The following IQUB variants were observed in gnomAD, a reference collection of about 807,000 sequenced individuals.
The protein encoded by IQUB is IQ motif and ubiquitin domain containing, also known as IQ motif and ubiquitin-like domain-containing protein.
IQUB carries 86 observed loss-of-function variants against 86.4 expected under a neutral mutation model. The ratio of observed to expected loss-of-function variants is 1.00; its 90% CI spans 0.84 to 1.19. IQUB has a LOEUF of 1.19. IQUB is among the 50% of genes most tolerant of loss of function. The pLI is 0.00. For missense variants in IQUB, 946 were observed against 916.9 expected (o/e 1.03, Z -0.41); for synonymous variants, 289 against 304.5 (o/e 0.95, Z 0.53).
intron 10 of IQUB, among the ~76,000 whole-genome samples, chr7:123,464,303 C>T (rs974008544): frequency 6.6e-6 from 1 of 151,794 alleles, no homozygotes; most frequent in South Asian, 2.1e-4. Context: ...AAATATGTTA[C>T]ATTTGAAGTT....
chr7:123,514,682 T>C (rs985354236), intron 1 of IQUB, among the ~76,000 whole-genome samples: 1 of 152,190 alleles, frequency 6.6e-6, no homozygotes, highest in Non-Finnish European at 1.5e-5. Context: ...TGGGCTTTTA[T>C]TGAGGCCATC....
In IQUB at chr7:123,534,577, T is replaced by C. The variant is rs1332136088; in HGVS notation, c.-90A>G. 1 of 154,380 alleles carries C rather than the reference T, an allele frequency of 6.5e-6. No individual in the cohort carries two copies. Among genetic ancestry groups the C allele is most frequent in the Non-Finnish European group, 1.4e-5 (1 of 69,082 alleles). The allele number at this position is 154,380 out of a possible 1,614,324, so 9.6% of individuals were successfully genotyped here. ...TCCATACTCGCCGCGTTCTCAGCTGTTGGTCGTATCCTAGCAACGGCCCTG... is the reference window on the plus strand; with the variant it reads ...TCCATACTCGCCGCGTTCTCAGCTGCTGGTCGTATCCTAGCAACGGCCCTG... On this transcript the variant is annotated 5_prime_UTR_variant, in exon 1 of 13. Transcript: ENST00000324698.
intron 1 of IQUB, among the ~76,000 whole-genome samples, chr7:123,518,646 G>A (rs1444516390): frequency 6.6e-6 from 1 of 152,190 alleles, no homozygotes; most frequent in Non-Finnish European, 1.5e-5. Flanking sequence ...CCAGGCTACA[G>A]TACAGTGGTG....
At chr7:123,509,506 C>G (rs1044988731) in intron 3 of IQUB, among the ~76,000 whole-genome samples, 3 of 152,182 alleles carry the variant, frequency 2.0e-5, no homozygotes, top group Non-Finnish European at 4.4e-5. Context: ...TTTCTCACCT[C>G]TTTGTGACTT....
intron 7 of IQUB, 122 bp from the exon 8 acceptor site, chr7:123,480,092 T>C: frequency 1.4e-6 from 1 of 707,484 alleles, no homozygotes; most frequent in South Asian, 2.1e-5. Context: ...GATAGAATCA[T>C]TTCTATTGTA....
intron 1 of IQUB, among the ~76,000 whole-genome samples, chr7:123,523,181 T>C (rs1461549085): frequency 2.0e-5 from 3 of 151,960 alleles, no homozygotes; most frequent in Non-Finnish European, 4.4e-5. Context: ...CATGTATCTT[T>C]ATAGCAGCAT....
At chr7:123,533,739 G>T (rs917274206) in intron 1 of IQUB, among the ~76,000 whole-genome samples, 4 of 152,164 alleles carry the variant, frequency 2.6e-5, no homozygotes, top group Non-Finnish European at 4.4e-5. Flanking sequence ...ACATATTTGC[G>T]TATGTCTAAA....
intron 5 of IQUB, 81 bp downstream of exon 5, chr7:123,502,863 A>C: frequency 2.1e-6 from 3 of 1,409,646 alleles, no homozygotes; most frequent in Non-Finnish European, 2.9e-6. Flanking sequence ...ATAATTACTT[A>C]AGAGAAATTT....
Position 123,452,753 on chromosome 7 carries a change from G to C in IQUB, c.2366C>G (p.Pro789Arg). 3 of 1,611,438 alleles carry C rather than the reference G, an allele frequency of 1.9e-6. No homozygotes were observed. The highest frequency in any genetic ancestry group is 2.5e-6 in the Non-Finnish European group (3 of 1,178,302). The change falls in exon 13 of 13, where the codon CCT becomes CGT. Residue 789 changes from proline (P) to arginine (R), a missense_variant. By Grantham distance (103) the Pro-to-Arg change is moderately radical. Transcript: ENST00000324698. ...ATACTCCTGGATCACCTAATGAGGA[G>C]GCCTCTGGGATTCTATAATCTTAGG... Reference protein sequence around the residue: ...TTPKIIESQRPPH With the variant: ...TTPKIIESQRRPH
At chr7:123,478,963 G>A (rs1276966905) in intron 8 of IQUB, among the ~76,000 whole-genome samples, 2 of 152,108 alleles carry the variant, frequency 1.3e-5, no homozygotes, top group African/African-American at 4.8e-5. Context: ...ACTATAGGGA[G>A]TTCTGGGATG....
At chr7:123,468,591 G>A (rs981863907) in intron 9 of IQUB, among the ~76,000 whole-genome samples, 1 of 152,196 alleles carries the variant, frequency 6.6e-6, no homozygotes, top group African/African-American at 2.4e-5. Flanking sequence ...GACAACTCTG[G>A]ATGGCCTTTC....
chr7:123,488,509 G>C (rs1795317805), intron 7 of IQUB, among the ~76,000 whole-genome samples: 1 of 152,214 alleles, frequency 6.6e-6, no homozygotes, highest in South Asian at 2.1e-4. Context: ...CAAAGGCAAA[G>C]GGCCTAAAGG....
intron 1 of IQUB, among the ~76,000 whole-genome samples, chr7:123,521,275 T>C (rs1472061601): frequency 6.6e-6 from 1 of 152,096 alleles, no homozygotes; most frequent in Non-Finnish European, 1.5e-5. Context: ...TTCTAATGCT[T>C]ATATTTATTT....
At chr7:123,458,038 A>T (rs1793797335) in intron 11 of IQUB, 1 of 156,132 alleles carries the variant, frequency 6.4e-6, no homozygotes, top group Non-Finnish European at 1.4e-5. Flanking sequence ...TCCAAGGGCC[A>T]TGCTAATCTT....
At chr7:123,496,652 G>C (rs1795718289) in intron 7 of IQUB, 44 bp downstream of exon 7, 1 of 1,162,844 alleles carries the variant, frequency 8.6e-7, no homozygotes, top group Non-Finnish European at 1.2e-6. Context: ...TCCTATTAAT[G>C]AAGAATTTAA....
intron 6 of IQUB, among the ~76,000 whole-genome samples, chr7:123,500,415 A>G (rs916152764): frequency 6.6e-6 from 1 of 152,212 alleles, no homozygotes; most frequent in African/African-American, 2.4e-5. Context: ...AAAAGCATAA[A>G]CAAATAAGAA....
At chr7:123,476,842 G>A (rs891149012) in intron 8 of IQUB, among the ~76,000 whole-genome samples, 31 of 151,924 alleles carry the variant, frequency 2.0e-4, no homozygotes, top group South Asian at 4.2e-4. Context: ...AAAGGAAGAA[G>A]TAAAGAATTA....
At chr7:123,526,980 A>T (rs1797249596) in intron 1 of IQUB, among the ~76,000 whole-genome samples, 1 of 152,110 alleles carries the variant, frequency 6.6e-6, no homozygotes, top group Admixed American at 6.5e-5. Flanking sequence ...TGGATATGAA[A>T]TTCTGGGTTG....
chr7:123,455,841 T>C (rs1793670421), intron 12 of IQUB, among the ~76,000 whole-genome samples: 1 of 152,142 alleles, frequency 6.6e-6, no homozygotes, highest in South Asian at 2.1e-4. Flanking sequence ...AAGTCCATGA[T>C]TGTTCCTACT....
Sources: allele counts gnomAD v4.1 joint callset (sites outside exome capture counted in the v4.1 genomes callset), GRCh38; gene constraint gnomAD v4.1.1; transcripts MANE v1.5; gene names NCBI Gene and HGNC (gene_info 2026-07-23, HGNC 2026-07-21).